The following CELF2 variants were observed in gnomAD, a reference collection of about 807,000 sequenced individuals.
CELF2 encodes CUGBP Elav-like family member 2.
A neutral mutation model predicts 62.6 loss-of-function variants in CELF2; 8 were observed. That is an observed-to-expected ratio of 0.13 (90% CI 0.07 to 0.23). The LOEUF (loss-of-function observed/expected upper bound fraction) is 0.23, where lower values mean the gene tolerates loss of function less well. Among genes scored for constraint, CELF2 ranks in the 10% least tolerant of loss-of-function variants. CELF2 has a pLI of 1.00. For synonymous variants in CELF2, 258 were observed against 250.0 expected (o/e 1.03, Z -0.30); for missense variants, 333 against 671.0 (o/e 0.50, Z 5.56).
chr10:10,812,585 G>C (rs1427761196), intron 1 of CELF2, among the ~76,000 whole-genome samples: 1 of 152,188 alleles, frequency 6.6e-6, no homozygotes, highest in Admixed American at 6.5e-5. Context: ...GTTCAGCACT[G>C]TGTCCTCAGC....
intron 1 of CELF2, among the ~76,000 whole-genome samples, chr10:10,830,244 C>T (rs1470680063): frequency 8.7e-6 from 1 of 115,044 alleles, no homozygotes; most frequent in African/African-American, 3.4e-5. Flanking sequence ...AACGGCAATA[C>T]AAACTGTGAG....
At chr10:11,014,107 T>C (rs2056891119), upstream of CELF2, among the ~76,000 whole-genome samples, 1 of 152,264 alleles carries the variant, frequency 6.6e-6, no homozygotes, top group African/African-American at 2.4e-5. Flanking sequence ...TTTTGTTTCT[T>C]TGCTGTTGCT....
At chr10:11,184,786 T>A (rs955709446) in intron 2 of CELF2, among the ~76,000 whole-genome samples, 1 of 152,246 alleles carries the variant, frequency 6.6e-6, no homozygotes, top group East Asian at 1.9e-4. Context: ...GTAGCTTTTT[T>A]AAAGAGTCTG....
intron 1 of CELF2, among the ~76,000 whole-genome samples, chr10:10,819,071 G>A (rs2056742281): frequency 1.3e-5 from 2 of 152,044 alleles, no homozygotes; most frequent in Admixed American, 6.6e-5. Flanking sequence ...GCATTTACCT[G>A]GTTATTAATT....
At chr10:10,814,188 G>T (rs1365720357) in intron 1 of CELF2, among the ~76,000 whole-genome samples, 1 of 95,836 alleles carries the variant, frequency 1.0e-5, no homozygotes, top group African/African-American at 4.0e-5. Flanking sequence ...GGGAACAAGA[G>T]AAGGAAGAAA....
At chr10:10,564,541 T>G in the CELF2 span, among the ~76,000 whole-genome samples, 2 of 152,016 alleles carry the variant, frequency 1.3e-5, no homozygotes, top group Non-Finnish European at 2.9e-5. Context: ...ACAAAAGTGT[T>G]GATGACCATT....
the CELF2 span, among the ~76,000 whole-genome samples, chr10:10,672,153 G>C: frequency 6.6e-6 from 1 of 152,172 alleles, no homozygotes; most frequent in Non-Finnish European, 1.5e-5. Context: ...TCCTTTATCA[G>C]ATGTGTCTTT....
intron 1 of CELF2, among the ~76,000 whole-genome samples, chr10:10,824,027 A>AAGAG (rs752972144): frequency 2.7e-5 from 4 of 150,686 alleles, no homozygotes; most frequent in African/African-American, 9.7e-5. Context: ...GATGATAGAT[A>AAGAG]AGAGAGAGAG....
the CELF2 span, among the ~76,000 whole-genome samples, chr10:10,496,132 G>A: frequency 0.89 from 135,415 of 152,212 alleles, 60,677 homozygotes; most frequent in Non-Finnish European, 0.95. Flanking sequence ...AGAGAGGTTA[G>A]GTAATTTGCC....
the CELF2 span, among the ~76,000 whole-genome samples, chr10:10,622,403 G>A: frequency 6.6e-6 from 1 of 152,068 alleles, no homozygotes; most frequent in Non-Finnish European, 1.5e-5. Context: ...GAGCCCAGGA[G>A]TTCAAGACCA....
chr10:10,887,641 T>A (rs1017838405), intron 1 of CELF2, among the ~76,000 whole-genome samples: 8 of 152,190 alleles, frequency 5.3e-5, no homozygotes, highest in African/African-American at 9.6e-5. Flanking sequence ...TTGGAAAAAA[T>A]TTTTCTAGTC....
chr10:10,685,047 G>T, the CELF2 span, among the ~76,000 whole-genome samples: 26 of 152,148 alleles, frequency 1.7e-4, no homozygotes, highest in South Asian at 5.4e-3. Context: ...AGTTTCTTAG[G>T]CATAATGAAG....
the CELF2 span, among the ~76,000 whole-genome samples, chr10:10,724,147 A>G: frequency 6.6e-6 from 1 of 152,206 alleles, no homozygotes. Context: ...TAAAAATTTC[A>G]TTCTTTTATT....
intron 1 of CELF2, among the ~76,000 whole-genome samples, chr10:11,121,675 C>G (rs2057768539): frequency 6.6e-6 from 1 of 152,008 alleles, no homozygotes; most frequent in Non-Finnish European, 1.5e-5. Flanking sequence ...AGTAAGCTTG[C>G]CTAGTGCTAA....
At chr10:11,000,470 A>G (rs1564338516), upstream of CELF2, among the ~76,000 whole-genome samples, 1 of 152,194 alleles carries the variant, frequency 6.6e-6, no homozygotes, top group Non-Finnish European at 1.5e-5. Context: ...AAGGGGCTTT[A>G]CAATTAGTCT....
chr10:10,572,510 C>T, the CELF2 span, among the ~76,000 whole-genome samples: 10 of 152,040 alleles, frequency 6.6e-5, no homozygotes, highest in Non-Finnish European at 1.5e-4. Context: ...CCTCCCCCAC[C>T]CCACCTCCCC....
At chr10:11,148,081 C>A (rs2062610386) in intron 1 of CELF2, among the ~76,000 whole-genome samples, 1 of 152,214 alleles carries the variant, frequency 6.6e-6, no homozygotes, top group African/African-American at 2.4e-5. Context: ...ATGAAAGTGA[C>A]CCCAGTCCGG....
At chr10:10,601,141 T>A in the CELF2 span, among the ~76,000 whole-genome samples, 2 of 152,186 alleles carry the variant, frequency 1.3e-5, no homozygotes, top group South Asian at 4.1e-4. Context: ...ACCCTACCTC[T>A]TAGAACTCCC....
chr10:10,599,649 T>C, the CELF2 span, among the ~76,000 whole-genome samples: 1 of 152,092 alleles, frequency 6.6e-6, no homozygotes, highest in Admixed American at 6.5e-5. Context: ...TGCGCTTTGC[T>C]GCCAAACCAC....
Sources: gnomAD v4.1 joint callset for allele counts (sites outside exome capture counted in the v4.1 genomes callset) on GRCh38, gnomAD v4.1.1 for gene constraint, MANE v1.5 for transcripts, NCBI Gene and HGNC (gene_info 2026-07-23, HGNC 2026-07-21) for gene names.